The following POLA1 variants were observed in gnomAD, a reference collection of about 807,000 sequenced individuals.
The protein encoded by POLA1 is DNA polymerase alpha catalytic subunit.
A neutral mutation model predicts 124.0 loss-of-function variants in POLA1; 15 were observed. The observed-to-expected ratio is 0.12, with a 90% CI of 0.08 to 0.19. The LOEUF (loss-of-function observed/expected upper bound fraction) is 0.19. Among genes scored for constraint, POLA1 ranks in the 10% least tolerant of loss-of-function variants. POLA1 has a pLI of 1.00. For synonymous variants in POLA1, 408 were observed against 389.4 expected (o/e 1.05, Z -0.56); for missense variants, 886 against 1,103.4 (o/e 0.80, Z 2.79).
intron 35 of POLA1, among the ~76,000 whole-genome samples, chrX:24,897,816 C>T (rs1231753330): frequency 8.9e-6 from 1 of 112,252 alleles, no homozygotes; most frequent in African/African-American, 3.2e-5. Context: ...GGACATTTTC[C>T]TGTCACCGAT....
At chrX:24,989,837 G>T (rs2048515826) in intron 36 of POLA1, among the ~76,000 whole-genome samples, 1 of 111,331 alleles carries the variant, frequency 9.0e-6, no homozygotes, top group Admixed American at 9.5e-5. Context: ...TCCTTAATAA[G>T]ACTTAGTTTC....
Position 24,737,936 on chromosome X carries a change from G to C in POLA1, c.2040+195G>C, listed in dbSNP as rs370696588. Among the ~76,000 whole-genome samples, 8 of 99,984 alleles carry C rather than the reference G, an allele frequency of 8.0e-5. 1 individual carries two copies. Among genetic ancestry groups the C allele is most frequent in the African/African-American group, 3.9e-4 (8 of 20,439 alleles). The allele number at this position is 99,984 out of a possible 115,157, so 86.8% of individuals were successfully genotyped here. ...GTAAAAGCCTCTGGTAGTTTTGGCCGGGCGCGGTGGCTCAAGCCTGTAATC... is the reference window on the plus strand; with the variant it reads ...GTAAAAGCCTCTGGTAGTTTTGGCCCGGCGCGGTGGCTCAAGCCTGTAATC... On this transcript the variant is annotated intron_variant, in intron 19 of 36. Transcript: ENST00000379068.
chrX:24,761,747 T>C (rs1932799082), intron 26 of POLA1, among the ~76,000 whole-genome samples: 1 of 112,251 alleles, frequency 8.9e-6, no homozygotes, highest in African/African-American at 3.2e-5. Context: ...ATATATTTAA[T>C]TCAATTACTG....
chrX:24,880,178 A>G (rs1436552417), intron 34 of POLA1, among the ~76,000 whole-genome samples: 1 of 111,994 alleles, frequency 8.9e-6, no homozygotes, highest in African/African-American at 3.2e-5. Context: ...CTATCATAAC[A>G]GTTTGGGAGT....
At chrX:24,797,807 G>C (rs944322051) in intron 26 of POLA1, among the ~76,000 whole-genome samples, 3 of 110,383 alleles carry the variant, frequency 2.7e-5, no homozygotes, top group South Asian at 4.0e-4. Context: ...CAGCACTTTG[G>C]GGGGCTGAGG....
Position 24,821,592 on chromosome X carries a change from T to C in POLA1, c.3561+9T>C. 8.5e-7 allele frequency: 1 copy of C among 1,182,905 alleles called. No individual in the cohort carries two copies. The highest frequency in any genetic ancestry group is 1.9e-5 in the South Asian group (1 of 54,014). On this transcript the variant is annotated intron_variant, in intron 31 of 36. Coordinates refer to ENST00000379068, the MANE Select transcript of POLA1 (RefSeq NM_001330360.2). ...CATATGTCATCTGTCAGGTAAACTATTGACATTCGTAAGACTCTGACACCT... is the reference window on the plus strand; with the variant it reads ...CATATGTCATCTGTCAGGTAAACTACTGACATTCGTAAGACTCTGACACCT...
chrX:24,796,955 C>G (rs890154499), intron 26 of POLA1, among the ~76,000 whole-genome samples: 2 of 111,784 alleles, frequency 1.8e-5, no homozygotes, highest in Non-Finnish European at 3.8e-5. Flanking sequence ...TGACTCCTAT[C>G]TCTTCCTAAT....
intron 30 of POLA1, among the ~76,000 whole-genome samples, chrX:24,820,558 C>A (rs2046070608): frequency 9.0e-6 from 1 of 111,614 alleles, no homozygotes; most frequent in Non-Finnish European, 1.9e-5. Flanking sequence ...GCCCCCATTA[C>A]CTTTTCTTAA....
intron 13 of POLA1, 50 bp from the exon 14 acceptor site, chrX:24,726,883 C>T: frequency 9.9e-7 from 1 of 1,014,042 alleles, no homozygotes; most frequent in Non-Finnish European, 1.3e-6. Context: ...TTGGAAAATG[C>T]AAAGTAATAG....
At chrX:24,715,784 G>A (rs1929789632) in intron 6 of POLA1, among the ~76,000 whole-genome samples, 1 of 111,486 alleles carries the variant, frequency 9.0e-6, no homozygotes, top group South Asian at 3.8e-4. Flanking sequence ...CCAGGAGTCA[G>A]TTCTGTGAGT....
intron 30 of POLA1, among the ~76,000 whole-genome samples, chrX:24,817,847 A>G (rs770754022): frequency 9.2e-6 from 1 of 109,041 alleles, no homozygotes; most frequent in Admixed American, 9.9e-5. Flanking sequence ...CTTGTGAGCT[A>G]TTCAGTTTCT....
chrX:24,826,541 G>T lies in POLA1; in HGVS notation c.3676G>T (p.Val1226Leu). Residue 1226 changes from valine (V) to leucine (L), a missense_variant, in exon 32 of 37, where the codon GTG becomes TTG. Physicochemically the swap from Val to Leu is conservative, Grantham distance 32. Coordinates refer to ENST00000379068, the MANE Select transcript of POLA1 (RefSeq NM_001330360.2). ...YYLAQQIHPV[V>L]ARICEPIDGI... ...CCTGGCCCAGCAGATCCACCCAGTCGTGGCTCGGATCTGTGAACCAATAGA... is the reference window on the plus strand; with the variant it reads ...CCTGGCCCAGCAGATCCACCCAGTCTTGGCTCGGATCTGTGAACCAATAGA... 8.3e-7 allele frequency: 1 copy of T among 1,206,737 alleles called. No individual in the cohort carries two copies. Among genetic ancestry groups the T allele is most frequent in the Non-Finnish European group, 1.1e-6 (1 of 892,158 alleles).
intron 36 of POLA1, among the ~76,000 whole-genome samples, chrX:24,962,717 A>C (rs757467466): frequency 3.4e-4 from 38 of 111,786 alleles, no homozygotes; most frequent in Non-Finnish European, 6.0e-4. Flanking sequence ...ATCTCCTTAT[A>C]TAATATGCTG....
intron 34 of POLA1, among the ~76,000 whole-genome samples, chrX:24,868,935 A>AATTAT (rs2046829970): frequency 9.0e-6 from 1 of 111,023 alleles, no homozygotes; most frequent in African/African-American, 3.3e-5. Flanking sequence ...TGTATGTGGG[A>AATTAT]ATTATTCTTT....
At chrX:24,971,683 T>C (rs2048304172) in intron 36 of POLA1, among the ~76,000 whole-genome samples, 1 of 112,162 alleles carries the variant, frequency 8.9e-6, no homozygotes, top group South Asian at 3.7e-4. Context: ...CCCATACAGA[T>C]AGGCATTTAA....
chrX:24,721,824 T>C (rs1930219439), intron 10 of POLA1, among the ~76,000 whole-genome samples: 1 of 112,287 alleles, frequency 8.9e-6, no homozygotes, highest in South Asian at 3.7e-4. Flanking sequence ...TGAGCTTATT[T>C]GAATCTTTGA....
chrX:24,952,566 G>C (rs1267202837), intron 36 of POLA1, among the ~76,000 whole-genome samples: 2 of 112,400 alleles, frequency 1.8e-5, no homozygotes, highest in Admixed American at 9.4e-5. Context: ...TTTTTGTTCA[G>C]TGCTGATAGA....
In POLA1 at chrX:24,750,142, T is replaced by G. The variant is rs955273174; in HGVS notation, c.2964+1150T>G. ...TATTTATGTATCATCTGTGGCTGCT[T>G]TTGTATTACGAGAGCAGAGCTGAGT... On this transcript the variant is annotated intron_variant, in intron 26 of 36. Coordinates refer to ENST00000379068, the MANE Select transcript of POLA1 (RefSeq NM_001330360.2). 6.5e-4 allele frequency among the ~76,000 whole-genome samples: 73 copies of G among 112,349 alleles called. 1 individual carries two copies. The highest frequency in any genetic ancestry group is 2.3e-3 in the African/African-American group (71 of 30,973).
chrX:24,883,186 T>C lies in POLA1; in HGVS notation c.4048-4820T>C, dbSNP rs552719136. The stretch of plus-strand genomic sequence containing the variant: ...TTCATGTCCTTTGCTCACTTTTTAA[T>C]GGGGTTATTTGGTTTTCACATGTTA... On this transcript the variant is annotated intron_variant, in intron 34 of 36. Transcript: ENST00000379068. Among the ~76,000 whole-genome samples, 36 of 112,217 alleles carry C rather than the reference T, an allele frequency of 3.2e-4. No homozygotes were observed. In the South Asian group the frequency reaches 0.012, roughly 39 times the overall value.
Sources: gnomAD v4.1 joint callset for allele counts (sites outside exome capture counted in the v4.1 genomes callset) on GRCh38, gnomAD v4.1.1 for gene constraint, MANE v1.5 for transcripts, NCBI Gene and HGNC (gene_info 2026-07-23, HGNC 2026-07-21) for gene names.